RSL24D1: variants seen among roughly 807,000 people sequenced by gnomAD.
RSL24D1 encodes probable ribosome biogenesis protein RLP24.
A neutral mutation model predicts 26.2 loss-of-function variants in RSL24D1; 6 were observed. The observed-to-expected ratio is 0.23, with a 90% confidence interval of 0.13 to 0.45. The LOEUF (loss-of-function observed/expected upper bound fraction) is 0.45, where lower values mean the gene tolerates loss of function less well. RSL24D1 is among the 20% of genes least tolerant of loss of function. The probability of loss-of-function intolerance (pLI) is 0.99; values close to 1 mark genes in which losing one functional copy is unlikely to be tolerated. For missense variants in RSL24D1, 176 were observed against 202.6 expected (o/e 0.87, Z 0.80); for synonymous variants, 61 against 59.1 (o/e 1.03, Z -0.15).
chr15:55,188,102 C>G (rs1486874583), intron 3 of RSL24D1, among the ~76,000 whole-genome samples: 1 of 152,116 alleles, frequency 6.6e-6, no homozygotes, highest in African/African-American at 2.4e-5. Context: ...TATCCTCACA[C>G]AATTTGATAA....
intron 3 of RSL24D1, among the ~76,000 whole-genome samples, chr15:55,185,823 G>T (rs1894218451): frequency 6.6e-6 from 1 of 152,058 alleles, no homozygotes; most frequent in African/African-American, 2.4e-5. Context: ...AAAGTGCCTG[G>T]GATATGGTCA....
intron 3 of RSL24D1, 101 bp downstream of exon 3, chr15:55,190,874 A>G (rs1198717313): frequency 2.6e-6 from 2 of 757,578 alleles, no homozygotes; most frequent in South Asian, 1.7e-5. Context: ...GGAATGATAA[A>G]TGGAAAATTC....
Position 55,192,668 on chromosome 15 carries a change from T to C in RSL24D1, c.195+52A>G, listed in dbSNP as rs533625443. ...GATTAGATGACATATACCCTTCAAA[T>C]ACTAAAACTGTGAAACGTGTAAAAA... On this transcript the variant is annotated intron_variant, in intron 2 of 5. Coordinates refer to ENST00000260443, the MANE Select transcript of RSL24D1 (RefSeq NM_016304.3). The C allele has an allele frequency of 8.5e-6, 11 of 1,300,288 alleles. No homozygotes were observed. The East Asian group carries it at 2.1e-4, about 24-fold the overall frequency. The allele number at this position is 1,300,288 out of a possible 1,614,324, so 80.5% of individuals were successfully genotyped here. A position where few individuals can be genotyped will look rare whatever the true frequency, so the allele number is the denominator to read the frequency against.
chr15:55,180,938 G>A lies in RSL24D1; in HGVS notation c.*1214C>T, dbSNP rs567099954. ...AATCAATAATATTATTTACAAATAA[G>A]AATACCCAGGCAAAACCACATTGGA... On this transcript the variant is annotated 3_prime_UTR_variant, in exon 6 of 6. Coordinates refer to ENST00000260443, the MANE Select transcript of RSL24D1 (RefSeq NM_016304.3). 2.6e-5 allele frequency: 4 copies of A among 151,900 alleles called. No homozygotes were observed. The highest frequency in any genetic ancestry group is 5.9e-5 in the Non-Finnish European group (4 of 67,982). 9.4% of individuals were successfully genotyped at this position (151,900 alleles called of 1,614,324 possible). A position where few individuals can be genotyped will look rare whatever the true frequency, so the allele number is the denominator to read the frequency against.
intron 3 of RSL24D1, 23 bp from the exon 4 acceptor site, chr15:55,185,448 G>T: frequency 6.4e-7 from 1 of 1,557,360 alleles, no homozygotes; most frequent in Non-Finnish European, 8.8e-7. Flanking sequence ...TCATGAGTTA[G>T]CAAATGTATG....
intron 1 of RSL24D1, chr15:55,195,191 G>A (rs1193978338): frequency 6.6e-6 from 1 of 152,042 alleles, no homozygotes; most frequent in Non-Finnish European, 1.5e-5. Context: ...AGATTCAGAC[G>A]ACTCTCATGT....
At chr15:55,189,984 ACG>A (rs1480647004) in intron 3 of RSL24D1, among the ~76,000 whole-genome samples, 1 of 152,230 alleles carries the variant, frequency 6.6e-6, no homozygotes, top group Non-Finnish European at 1.5e-5. Context: ...ATGGTGGCTC[ACG>A]CCTGTAATCC....
At chr15:55,196,628 G>T (rs1003996740) in intron 1 of RSL24D1, 182 bp downstream of exon 1, 6 of 620,666 alleles carry the variant, frequency 9.7e-6, no homozygotes, top group Admixed American at 5.7e-5. Context: ...CGGAAGACGG[G>T]CAAGGAGAAA....
chr15:55,185,785 A>T (rs1894218094), intron 3 of RSL24D1, among the ~76,000 whole-genome samples: 1 of 152,194 alleles, frequency 6.6e-6, no homozygotes, highest in South Asian at 2.1e-4. Context: ...ATGAATAAAG[A>T]CAGCATCTTT....
At position 55,191,023 on chromosome 15, in the gene RSL24D1, G is replaced by A. The variant is rs763374116; in HGVS notation, c.220C>T (p.Arg74Cys). 2.4e-5 allele frequency: 38 copies of A among 1,603,160 alleles called. 2 individuals are homozygous for A. The South Asian group carries it at 2.7e-4, about 11-fold the overall frequency. ...TGGTATTTGATAGGTTCATTTCTAC[G>A]TTTTTCAAATTCAAATGAATTATCC... ...TVDNSFEFEK[R>C]RNEPIKYQRE... Residue 74 changes from arginine to cysteine, a missense_variant, in exon 3 of 6, where the codon CGT becomes TGT. Coordinates refer to ENST00000260443, the MANE Select transcript of RSL24D1 (RefSeq NM_016304.3).
At position 55,196,480 on chromosome 15, in the gene RSL24D1, A is replaced by G. The variant is rs1473593793; in HGVS notation, c.81+330T>C. ...ACACTCAACAAAGTTTACTGGATTC[A>G]AGAATTTGGCCCAAGTACATGAGTG... is the stretch of plus-strand genomic sequence containing the variant. On this transcript the variant is annotated intron_variant, in intron 1 of 5. Coordinates refer to ENST00000260443, the MANE Select transcript of RSL24D1 (RefSeq NM_016304.3). The G allele has an allele frequency of 1.1e-5, 6 of 551,966 alleles. No homozygotes were observed. In the Admixed American group the frequency reaches 1.4e-4, roughly 12 times the overall value. The allele number at this position is 551,966 out of a possible 1,614,324, so 34.2% of individuals were successfully genotyped here. A position where few individuals can be genotyped will look rare whatever the true frequency, so the allele number is the denominator to read the frequency against.
At chr15:55,183,233 A>G (rs1894188965) in intron 5 of RSL24D1, 82 bp downstream of exon 5, 6 of 933,238 alleles carry the variant, frequency 6.4e-6, no homozygotes, top group Non-Finnish European at 9.9e-6. Flanking sequence ...GAAAGATAAT[A>G]TTTATAGGAA....
intron 1 of RSL24D1, among the ~76,000 whole-genome samples, chr15:55,195,805 G>GAGGTCAATA (rs1894348915): frequency 6.6e-6 from 1 of 152,136 alleles, no homozygotes; most frequent in Non-Finnish European, 1.5e-5. Flanking sequence ...TCTAATTAAT[G>GAGGTCAATA]AGGTCAATAT....
At chr15:55,191,124 T>C in intron 2 of RSL24D1, 77 bp from the exon 3 acceptor site, 2 of 979,530 alleles carry the variant, frequency 2.0e-6, no homozygotes, top group Non-Finnish European at 1.5e-6. Flanking sequence ...AACGTCTTCC[T>C]TTTCCTAAGT....
intron 3 of RSL24D1, among the ~76,000 whole-genome samples, chr15:55,190,612 T>G (rs1290398176): frequency 6.6e-6 from 1 of 152,216 alleles, no homozygotes; most frequent in Non-Finnish European, 1.5e-5. Context: ...CTATATGGTC[T>G]AAACATGTAA....
At chr15:55,185,271 C>A (rs1351668805) in intron 4 of RSL24D1, 91 bp downstream of exon 4, 37 of 944,086 alleles carry the variant, frequency 3.9e-5, no homozygotes, top group Non-Finnish European at 5.6e-5. Context: ...GAAGTTATGT[C>A]AAAATAAAAA....
chr15:55,182,202 T>C lies in RSL24D1; in HGVS notation c.442A>G (p.Lys148Glu), dbSNP rs751183994. 48 of 1,607,412 alleles carry C rather than the reference T, an allele frequency of 3.0e-5. No individual in the cohort carries two copies. Among genetic ancestry groups the C allele is most frequent in the East Asian group, 2.2e-5 (1 of 44,786 alleles). ...TCCTCTTGTAACTGCTGTACCATTTTCTCTTCCAACTGTTTCCCTTTGCCT... is the reference window on the plus strand; with the variant it reads ...TCCTCTTGTAACTGCTGTACCATTTCCTCTTCCAACTGTTTCCCTTTGCCT... ...LAGKGKQLEE[K>E]MVQQLQEDVD... The change falls in exon 6 of 6, where the codon AAA becomes GAA. Residue 148 changes from lysine (K) to glutamate (E), a missense_variant. By Grantham distance (56) the Lys-to-Glu change is moderately conservative. Transcript: ENST00000260443.
Position 55,191,039 on chromosome 15 carries a change from T to G in RSL24D1, c.204A>C (p.Ser68=). Residue 68 remains serine, a synonymous_variant, in exon 3 of 6, where the codon TCA becomes TCC. Coordinates refer to ENST00000260443, the MANE Select transcript of RSL24D1 (RefSeq NM_016304.3). ...CATTTCTACGTTTTTCAAATTCAAA[T>G]GAATTATCCTGTAAGAGGGAACAGA... ...AAGKELTVDN[S]FEFEKRRNEP... The G allele has an allele frequency of 6.2e-7, 1 of 1,600,976 alleles. No homozygotes were observed. The highest frequency in any genetic ancestry group is 8.5e-7 in the Non-Finnish European group (1 of 1,172,956).
intron 3 of RSL24D1, among the ~76,000 whole-genome samples, chr15:55,187,755 G>T (rs1251518133): frequency 1.3e-5 from 2 of 151,822 alleles, no homozygotes; most frequent in Non-Finnish European, 2.9e-5. Context: ...GGGGAGTGGG[G>T]TGGGGTAAGG....
Sources: gnomAD v4.1 joint callset for allele counts (sites outside exome capture counted in the v4.1 genomes callset) on GRCh38, gnomAD v4.1.1 for gene constraint, MANE v1.5 for transcripts, NCBI Gene and HGNC (gene_info 2026-07-23, HGNC 2026-07-21) for gene names.